Variants in MAP1B observed in about 807,000 individuals in gnomAD.
MAP1B encodes microtubule-associated protein 1B.
MAP1B carries 12 observed loss-of-function variants against 176.1 expected under a neutral mutation model. The observed-to-expected ratio is 0.07, with a 90% CI of 0.04 to 0.11. MAP1B has a LOEUF of 0.11. Ranked by LOEUF, MAP1B falls within the 10% of genes least tolerant of loss-of-function variation. The probability of loss-of-function intolerance (pLI) is 1.00; values close to 1 mark genes in which losing one functional copy is unlikely to be tolerated. For synonymous variants in MAP1B, 1,044 were observed against 1,135.0 expected (o/e 0.92, Z 1.61); for missense variants, 2,523 against 2,990.5 (o/e 0.84, Z 3.65).
intron 2 of MAP1B, among the ~76,000 whole-genome samples, chr5:72,119,729 G>C (rs1745492923): frequency 6.6e-6 from 1 of 152,072 alleles, no homozygotes; most frequent in East Asian, 1.9e-4. Context: ...GGCTGATCTC[G>C]AACTCCTGAG....
rs750754601 is a variant in MAP1B at position 72,195,503 on chromosome 5, A to G, written c.2148A>G (p.Glu716=). 7 of 1,587,822 alleles carry G rather than the reference A, an allele frequency of 4.4e-6. No individual in the cohort carries two copies. Among genetic ancestry groups the G allele is most frequent in the Non-Finnish European group, 6.0e-6 (7 of 1,173,514 alleles). ...PKEVKKEVKK[E]EKKEVKKEEK... ...AAGTCAAGAAGGAAGTTAAGAAGGA[A>G]GAGAAGAAGGAAGTGAAAAAGGAAG... The change falls in exon 5 of 7, where the codon GAA becomes GAG. Residue 716 remains glutamate, a synonymous_variant. Coordinates refer to ENST00000296755, the MANE Select transcript of MAP1B (RefSeq NM_005909.5).
chr5:72,167,830 C>T (rs139941462), intron 2 of MAP1B, among the ~76,000 whole-genome samples: 207 of 151,994 alleles, frequency 1.4e-3, no homozygotes, highest in African/African-American at 4.1e-3. Context: ...TTTGTAGTTA[C>T]GAAACAGGAA....
intron 2 of MAP1B, among the ~76,000 whole-genome samples, chr5:72,174,594 GC>G (rs1227483399): frequency 6.6e-6 from 1 of 152,158 alleles, no homozygotes. Flanking sequence ...GCTTGCGGGG[GC>G]CACATTTCCT....
At position 72,196,745 on chromosome 5, in the gene MAP1B, C is replaced by T. The variant is rs1747179691; in HGVS notation, c.3390C>T (p.Pro1130=). Residue 1130 remains proline (P), a synonymous_variant, in exon 5 of 7, where the codon CCC becomes CCT. Coordinates refer to ENST00000296755, the MANE Select transcript of MAP1B (RefSeq NM_005909.5). The surrounding 1 kb of genome is among the most constrained non-coding windows in gnomAD (Gnocchi z 5.3). ...CTACTATTGAGATATCCAGTGAGCC[C>T]ACCCCCATGGATGAGATGTCTACCC... ...TQSTIEISSE[P]TPMDEMSTPR... 1.9e-6 allele frequency: 3 copies of T among 1,613,992 alleles called. No individual in the cohort carries two copies. Among genetic ancestry groups the T allele is most frequent in the African/African-American group, 2.7e-5 (2 of 74,902 alleles).
At chr5:72,153,501 A>G (rs1202695049) in intron 2 of MAP1B, among the ~76,000 whole-genome samples, 1 of 151,840 alleles carries the variant, frequency 6.6e-6, no homozygotes, top group Admixed American at 6.6e-5. Context: ...TTAATTGAAG[A>G]CAAGCAGAAG....
chr5:72,131,552 T>C (rs976798565), intron 2 of MAP1B, among the ~76,000 whole-genome samples: 1 of 152,168 alleles, frequency 6.6e-6, no homozygotes, highest in Non-Finnish European at 1.5e-5. Flanking sequence ...GAGTTAAGAA[T>C]AAAGTAAAAG....
chr5:72,180,652 C>T (rs1746746015), intron 2 of MAP1B, among the ~76,000 whole-genome samples: 1 of 152,214 alleles, frequency 6.6e-6, no homozygotes, highest in Non-Finnish European at 1.5e-5. Context: ...TTTGTCTGCT[C>T]AAACTGTGGG....
chr5:72,170,850 G>A (rs571001702), intron 2 of MAP1B, among the ~76,000 whole-genome samples: 16 of 143,974 alleles, frequency 1.1e-4, no homozygotes, highest in Non-Finnish European at 2.0e-4. Context: ...GGGAGGCTGA[G>A]GCAGGAAAGT....
intron 2 of MAP1B, among the ~76,000 whole-genome samples, chr5:72,137,756 T>C (rs1200760994): frequency 6.6e-6 from 1 of 152,198 alleles, no homozygotes; most frequent in Non-Finnish European, 1.5e-5. Context: ...ACATCTAATA[T>C]GTATCAAAGC....
At chr5:72,167,232 A>C (rs867798947) in intron 2 of MAP1B, among the ~76,000 whole-genome samples, 1 of 152,114 alleles carries the variant, frequency 6.6e-6, no homozygotes, top group African/African-American at 2.4e-5. Context: ...AGAATTTCCT[A>C]TTTGGGTTGA....
chr5:72,195,772 C>A lies in MAP1B; in HGVS notation c.2417C>A (p.Ala806Glu), dbSNP rs771656707. The A allele has an allele frequency of 1.9e-6, 3 of 1,614,260 alleles. No individual in the cohort carries two copies. Among genetic ancestry groups the A allele is most frequent in the East Asian group, 4.5e-5 (2 of 44,884 alleles). ...GCTGTCGGCACTGGAGCCACCACAGCAGCTGTCATGGCGGCAGCTGGAATA... is the reference window on the plus strand; with the variant it reads ...GCTGTCGGCACTGGAGCCACCACAGAAGCTGTCATGGCGGCAGCTGGAATA... ...AAAVGTGATTAAVMAAAGIAA... is the reference protein window; with the variant it reads ...AAAVGTGATTEAVMAAAGIAA... The change falls in exon 5 of 7, where the codon GCA becomes GAA. Residue 806 changes from alanine (A) to glutamate (E), a missense_variant. Ala to Glu is a moderately radical substitution (Grantham distance 107, BLOSUM62 -1). Transcript: ENST00000296755.
At chr5:72,149,696 T>C (rs141126500) in intron 2 of MAP1B, among the ~76,000 whole-genome samples, 26 of 152,264 alleles carry the variant, frequency 1.7e-4, no homozygotes, top group African/African-American at 2.9e-4. Flanking sequence ...ACCATAGAGA[T>C]AGTGGGCTGA....
At chr5:72,172,257 C>T (rs528047649) in intron 2 of MAP1B, among the ~76,000 whole-genome samples, 2 of 152,176 alleles carry the variant, frequency 1.3e-5, no homozygotes, top group Non-Finnish European at 2.9e-5. Flanking sequence ...GTTGCTGTGG[C>T]CCAGCCTGAT....
At chr5:72,113,621 C>T (rs762200423) in intron 1 of MAP1B, among the ~76,000 whole-genome samples, 7 of 152,154 alleles carry the variant, frequency 4.6e-5, no homozygotes, top group Non-Finnish European at 8.8e-5. Context: ...CCAATTTAGA[C>T]ATTACTTAGA....
intron 2 of MAP1B, among the ~76,000 whole-genome samples, chr5:72,135,099 G>A (rs1163762064): frequency 6.6e-6 from 1 of 151,448 alleles, no homozygotes; most frequent in African/African-American, 2.4e-5. Context: ...TCAGACTTGG[G>A]GTAGGGAGTT....
chr5:72,193,833 TTTTC>T lies in MAP1B; in HGVS notation c.511-13_511-10del, dbSNP rs367932308. On this transcript the variant is annotated intron_variant, in intron 4 of 6. Transcript: ENST00000296755. ...ATCAGTGATGATAATCACTTACACC[TTTTC>T]TTTCTTTCTTTCTTTCTTTAAAACC... 3.3e-4 allele frequency: 504 copies of T among 1,533,770 alleles called. 1 individual carries two copies. Among genetic ancestry groups the T allele is most frequent in the African/African-American group, 1.4e-3 (99 of 72,018 alleles).
In MAP1B at chr5:72,196,166, A is replaced by G. The variant is rs1165203168; in HGVS notation, c.2811A>G (p.Ser937=). ...AAGGAGCCGGTTTTGAAGAATCTTC[A>G]GAGACTGGAGACTATGAAGAGAAGG... ...EDEGAGFEES[S]ETGDYEEKAE... Residue 937 remains serine (S), a synonymous_variant, in exon 5 of 7, where the codon TCA becomes TCG. Transcript: ENST00000296755. The surrounding 1 kb of genome is among the most constrained non-coding windows in gnomAD (Gnocchi z 5.3). 1.9e-6 allele frequency: 3 copies of G among 1,613,418 alleles called. No homozygotes were observed. In the East Asian group the frequency reaches 6.7e-5, roughly 36 times the overall value.
chr5:72,138,648 C>A (rs762942866), intron 2 of MAP1B, among the ~76,000 whole-genome samples: 1 of 152,152 alleles, frequency 6.6e-6, no homozygotes, highest in Non-Finnish European at 1.5e-5. Context: ...CATGTATAAT[C>A]AGTAATGATT....
At chr5:72,193,464 T>G in intron 4 of MAP1B, 7 of 324,064 alleles carry the variant, frequency 2.2e-5, no homozygotes, top group South Asian at 2.0e-4. Context: ...AGGGCATCTT[T>G]GCCTTTATTC....
Sources: allele counts gnomAD v4.1 joint callset (sites outside exome capture counted in the v4.1 genomes callset), GRCh38; gene constraint gnomAD v4.1.1; non-coding constraint Gnocchi (gnomAD v3.1); transcripts MANE v1.5; gene names NCBI Gene and HGNC (gene_info 2026-07-23, HGNC 2026-07-21).